SMC6: variants seen among roughly 807,000 people sequenced by gnomAD.
SMC6 encodes the protein structural maintenance of chromosomes 6.
In SMC6, 79 loss-of-function variants were observed where a neutral mutation model predicts 142.2. The ratio of observed to expected loss-of-function variants is 0.56; its 90% CI spans 0.46 to 0.67. The LOEUF (loss-of-function observed/expected upper bound fraction) is 0.67. Among genes scored for constraint, SMC6 ranks in the 30% least tolerant of loss-of-function variants. The pLI, the probability that SMC6 is intolerant of heterozygous loss-of-function variation, is 0.00. For synonymous variants in SMC6, 411 were observed against 412.4 expected (o/e 1.00, Z 0.04); for missense variants, 1,072 against 1,284.0 (o/e 0.83, Z 2.52).
Position 17,708,678 on chromosome 2 carries a change from T to A in SMC6, c.1806A>T (p.Leu602=). 1 of 1,542,100 alleles carries A rather than the reference T, an allele frequency of 6.5e-7. No individual in the cohort carries two copies. Among genetic ancestry groups the A allele is most frequent in the Admixed American group, 1.9e-5 (1 of 52,984 alleles). The change falls in exon 17 of 28, where the codon CTA becomes CTT. Residue 602 remains leucine (L), a synonymous_variant. Coordinates refer to ENST00000448223, the MANE Select transcript of SMC6 (RefSeq NM_001142286.2). ...EIDNAVVANS[L]IDMRGIETVL... The stretch of plus-strand genomic sequence containing the variant: ...CTGTCTCTATGCCTCTCATGTCAAT[T>A]AGGCTATTTGCCACAACCGCATTAT...
chr2:17,730,769 A>G (rs1183510552), intron 7 of SMC6, among the ~76,000 whole-genome samples: 1 of 139,176 alleles, frequency 7.2e-6, no homozygotes, highest in Non-Finnish European at 1.6e-5. Context: ...CACCCAGCTA[A>G]TTTTTTTTTT....
intron 27 of SMC6, among the ~76,000 whole-genome samples, chr2:17,665,837 AG>A (rs1167224803): frequency 6.6e-6 from 1 of 152,218 alleles, no homozygotes; most frequent in African/African-American, 2.4e-5. Context: ...TTCAGTTTGG[AG>A]GAAAAGAAAA....
At chr2:17,748,012 C>T (rs1288375666) in intron 2 of SMC6, among the ~76,000 whole-genome samples, 3 of 152,186 alleles carry the variant, frequency 2.0e-5, no homozygotes, top group African/African-American at 7.2e-5. Context: ...GATTCCTGCA[C>T]CACATTTTGC....
Position 17,725,358 on chromosome 2 carries a change from A to G in SMC6, c.625T>C (p.Phe209Leu). Residue 209 changes from phenylalanine (F) to leucine (L), a missense_variant and splice_region_variant, in exon 9 of 28, where the codon TTC (phenylalanine) becomes CTC (leucine). By Grantham distance (22) the Phe-to-Leu change is conservative (BLOSUM62 0). This residue lies in a region of SMC6 where 994 missense variants were observed against 1,153.2 expected (regional missense o/e 0.86). Coordinates refer to ENST00000448223, the MANE Select transcript of SMC6 (RefSeq NM_001142286.2). Reference sequence around the variant, plus strand: ...TCAAGTTGCGTTGCTTTCATGAAGAACTATTATCAATAACAAAAAAAAACG... The same window carrying G: ...TCAAGTTGCGTTGCTTTCATGAAGAGCTATTATCAATAACAAAAAAAAACG... ...QSKNEGDKYKFFMKATQLEQM... is the reference protein window; with the variant it reads ...QSKNEGDKYKLFMKATQLEQM... The G allele has an allele frequency of 6.3e-7, 1 of 1,583,418 alleles. No homozygotes were observed. The highest frequency in any genetic ancestry group is 8.5e-7 in the Non-Finnish European group (1 of 1,169,636).
chr2:17,683,839 T>C, intron 23 of SMC6, 76 bp from the exon 24 acceptor site: 1 of 1,376,124 alleles, frequency 7.3e-7, no homozygotes, highest in Non-Finnish European at 1.0e-6. Flanking sequence ...CAAACAGATT[T>C]AACTGGGAAG....
chr2:17,751,723 T>C (rs751864020), intron 2 of SMC6, among the ~76,000 whole-genome samples: 3 of 152,236 alleles, frequency 2.0e-5, no homozygotes, highest in African/African-American at 4.8e-5. Context: ...GCAACTACGC[T>C]TGACCCTCAG....
intron 15 of SMC6, 37 bp downstream of exon 15, chr2:17,716,049 A>G (rs751358203): frequency 3.6e-6 from 5 of 1,406,050 alleles, no homozygotes; most frequent in African/African-American, 1.5e-5. Flanking sequence ...ACTTATTTCT[A>G]AAGTTTATTA....
chr2:17,707,519 G>A, intron 17 of SMC6, 140 bp from the exon 18 acceptor site: 1 of 486,242 alleles, frequency 2.1e-6, no homozygotes, highest in Non-Finnish European at 3.3e-6. Context: ...ATTTCATAAA[G>A]TTAAATATAA....
chr2:17,691,278 T>A (rs537580439), intron 23 of SMC6, among the ~76,000 whole-genome samples: 166 of 139,036 alleles, frequency 1.2e-3, no homozygotes, highest in Non-Finnish European at 2.0e-3. Flanking sequence ...ACTATTCAGC[T>A]ACAAAAAAGC....
intron 3 of SMC6, among the ~76,000 whole-genome samples, chr2:17,744,378 G>A (rs1448009162): frequency 5.3e-5 from 8 of 152,058 alleles, no homozygotes; most frequent in African/African-American, 1.2e-4. Context: ...TGTGTTCAAC[G>A]CCAGTATATA....
chr2:17,693,948 C>A (rs1204984031), intron 23 of SMC6, among the ~76,000 whole-genome samples: 1 of 138,074 alleles, frequency 7.2e-6, no homozygotes. Context: ...TGCAGTGAGC[C>A]GAGATCACGC....
intron 16 of SMC6, among the ~76,000 whole-genome samples, chr2:17,713,758 T>C (rs1262544177): frequency 6.6e-6 from 1 of 152,246 alleles, no homozygotes; most frequent in Admixed American, 6.5e-5. Context: ...CTATCAAAAA[T>C]GCAAATGCTA....
chr2:17,667,294 T>C (rs1666543968), intron 26 of SMC6, among the ~76,000 whole-genome samples: 2 of 152,224 alleles, frequency 1.3e-5, no homozygotes, highest in Admixed American at 1.3e-4. Context: ...CTCTACCATT[T>C]GTACAATATA....
At chr2:17,726,548 A>T (rs1211932294) in intron 7 of SMC6, 79 bp from the exon 8 acceptor site, 1 of 1,191,886 alleles carries the variant, frequency 8.4e-7, no homozygotes, top group Non-Finnish European at 1.2e-6. Flanking sequence ...CATACATTAC[A>T]AGTGACCTAT....
At chr2:17,751,314 CTACTAAAAA>C (rs1248560909) in intron 2 of SMC6, among the ~76,000 whole-genome samples, 2 of 151,770 alleles carry the variant, frequency 1.3e-5, no homozygotes, top group Non-Finnish European at 2.9e-5. Context: ...AACCCCATCT[CTACTAAAAA>C]TACAAAATTA....
At chr2:17,675,257 A>C (rs951237751) in intron 25 of SMC6, among the ~76,000 whole-genome samples, 1 of 152,128 alleles carries the variant, frequency 6.6e-6, no homozygotes, top group Non-Finnish European at 1.5e-5. Flanking sequence ...CCTGAAAAGT[A>C]TAAGAACCTT....
intron 25 of SMC6, among the ~76,000 whole-genome samples, chr2:17,678,607 A>G (rs945483658): frequency 4.4e-5 from 4 of 91,874 alleles, no homozygotes; most frequent in African/African-American, 1.2e-4. Flanking sequence ...GTCTATACGG[A>G]AAAAAAAAAA....
intron 23 of SMC6, among the ~76,000 whole-genome samples, chr2:17,693,376 C>T (rs1017568280): frequency 2.6e-5 from 4 of 152,068 alleles, no homozygotes; most frequent in African/African-American, 4.8e-5. Flanking sequence ...TAAAAAATGA[C>T]GAGTTCATGT....
chr2:17,745,917 G>C lies in SMC6; in HGVS notation c.30C>G (p.Ser10=). 1 of 1,609,468 alleles carries C rather than the reference G, an allele frequency of 6.2e-7. No individual in the cohort carries two copies. The highest frequency in any genetic ancestry group is 2.2e-5 in the East Asian group (1 of 44,626). Residue 10 remains serine, a synonymous_variant, in exon 3 of 28, where the codon TCC becomes TCG. Transcript: ENST00000448223. MAKRKEENF[S]SPKNAKRPRQ... ...TTGGCCTTTTGGCATTTTTAGGAGA[G>C]GAAAAATTTTCTTCCTTTCTTTTGG...
Sources: gnomAD v4.1 joint callset for allele counts (sites outside exome capture counted in the v4.1 genomes callset) on GRCh38, gnomAD v4.1.1 for gene constraint, gnomAD v4.1.1 regional missense constraint, MANE v1.5 for transcripts, NCBI Gene and HGNC (gene_info 2026-07-23, HGNC 2026-07-21) for gene names.